The following POU2F1 variants were observed in gnomAD, a reference collection of about 807,000 sequenced individuals.
POU2F1 encodes the protein POU class 2 homeobox 1, also known as POU domain, class 2, transcription factor 1.
Under a neutral mutation model 84.9 loss-of-function variants are expected in POU2F1, and 16 were observed. That is an observed-to-expected ratio of 0.19 (90% CI 0.13 to 0.29). The LOEUF (loss-of-function observed/expected upper bound fraction) is 0.29. Ranked by LOEUF, POU2F1 falls within the 10% of genes least tolerant of loss-of-function variation. POU2F1 has a pLI of 1.00. For missense variants in POU2F1, 738 were observed against 942.6 expected (o/e 0.78, Z 2.84); for synonymous variants, 368 against 368.3 (o/e 1.00, Z 0.01).
At chr1:167,294,487 CAA>C (rs1307871748) in intron 1 of POU2F1, among the ~76,000 whole-genome samples, 2 of 152,192 alleles carry the variant, frequency 1.3e-5, no homozygotes, top group Non-Finnish European at 2.9e-5. Flanking sequence ...AGACAACCCA[CAA>C]AGTGGGAGAA....
chr1:167,359,212 G>C (rs1471617976), intron 2 of POU2F1, among the ~76,000 whole-genome samples: 1 of 150,554 alleles, frequency 6.6e-6, no homozygotes, highest in Non-Finnish European at 1.5e-5. Flanking sequence ...AACTATTTTT[G>C]TTTTAGATGT....
At chr1:167,376,240 C>T in intron 7 of POU2F1, 85 bp downstream of exon 7, 1 of 1,396,898 alleles carries the variant, frequency 7.2e-7, no homozygotes, top group Non-Finnish European at 9.6e-7. Context: ...TCATTTTGGC[C>T]CTGAAACTAT....
rs1650660027 is a variant in POU2F1, at chr1:167,421,725, G to A, written c.*5915G>A. 6.6e-6 allele frequency: 1 copy of A among 152,106 alleles called. No homozygotes were observed. Among genetic ancestry groups the A allele is most frequent in the African/African-American group, 2.4e-5 (1 of 41,412 alleles). The allele number at this position is 152,106 out of a possible 1,614,324, so 9.4% of individuals were successfully genotyped here. A position where few individuals can be genotyped will look rare whatever the true frequency, so the allele number is the denominator to read the frequency against. ...TCATAAAATACCTCAGAATAGCTTA[G>A]CATTGTTGCAAAACTGGTTTTAAAC... On this transcript the variant is annotated 3_prime_UTR_variant, in exon 16 of 16. Transcript: ENST00000367866.
chr1:167,304,721 G>A (rs1165808389), intron 1 of POU2F1, among the ~76,000 whole-genome samples: 3 of 152,108 alleles, frequency 2.0e-5, no homozygotes, highest in Admixed American at 6.5e-5. Flanking sequence ...TGAAATATTT[G>A]TATATCGTAA....
intron 1 of POU2F1, among the ~76,000 whole-genome samples, chr1:167,299,720 C>CA (rs1654537271): frequency 7.6e-6 from 1 of 132,236 alleles, no homozygotes; most frequent in South Asian, 2.2e-4. Context: ...TTTTATTTTG[C>CA]TGCTGTTCCT....
At chr1:167,383,086 C>T (rs919600263) in intron 7 of POU2F1, among the ~76,000 whole-genome samples, 4 of 152,142 alleles carry the variant, frequency 2.6e-5, no homozygotes, top group African/African-American at 7.2e-5. Context: ...ATACTTTCTA[C>T]CATTGCTCTT....
chr1:167,267,728 G>T (rs1411847998), intron 1 of POU2F1, among the ~76,000 whole-genome samples: 1 of 128,212 alleles, frequency 7.8e-6, no homozygotes, highest in East Asian at 2.7e-4. Flanking sequence ...TGCAAGCTCC[G>T]CCTCCCAGGT....
At position 167,425,901 on chromosome 1, in the gene POU2F1, C is replaced by T. The variant is rs1557984684; in HGVS notation, c.*10091C>T. Reference sequence around the variant, plus strand: ...TCCTTTTTGCAGCACCACTGTGCAACTATGCATTGTACTTCACAACCTTTT... The same window carrying T: ...TCCTTTTTGCAGCACCACTGTGCAATTATGCATTGTACTTCACAACCTTTT... On this transcript the variant is annotated 3_prime_UTR_variant, in exon 16 of 16. Coordinates refer to ENST00000367866, the MANE Select transcript of POU2F1 (RefSeq NM_002697.4). 1 of 151,718 alleles carries T rather than the reference C, an allele frequency of 6.6e-6. No individual in the cohort carries two copies. The highest frequency in any genetic ancestry group is 2.4e-5 in the African/African-American group (1 of 41,244). The allele number at this position is 151,718 out of a possible 1,614,324, so 9.4% of individuals were successfully genotyped here.
chr1:167,287,682 G>C (rs1032628608), intron 1 of POU2F1, among the ~76,000 whole-genome samples: 1 of 152,162 alleles, frequency 6.6e-6, no homozygotes, highest in Non-Finnish European at 1.5e-5. Context: ...GGTTCAAAAT[G>C]AATCTAATTG....
At chr1:167,266,969 C>T (rs1402027972) in intron 1 of POU2F1, among the ~76,000 whole-genome samples, 1 of 152,066 alleles carries the variant, frequency 6.6e-6, no homozygotes, top group Non-Finnish European at 1.5e-5. Flanking sequence ...TGTTTACAGA[C>T]ATTTTTACAC....
intron 1 of POU2F1, among the ~76,000 whole-genome samples, chr1:167,253,152 A>G (rs908942957): frequency 3.3e-5 from 5 of 152,210 alleles, no homozygotes; most frequent in African/African-American, 1.2e-4. Context: ...TTATCAAGGG[A>G]CAGTTTCACT....
chr1:167,305,585 T>C (rs1028047247), intron 1 of POU2F1, among the ~76,000 whole-genome samples: 12 of 152,170 alleles, frequency 7.9e-5, no homozygotes, highest in Non-Finnish European at 1.8e-4. Flanking sequence ...TTATAGCGAA[T>C]AATTTTTAGT....
intron 13 of POU2F1, among the ~76,000 whole-genome samples, chr1:167,402,035 C>T (rs896758332): frequency 3.9e-5 from 6 of 152,202 alleles, no homozygotes; most frequent in African/African-American, 1.4e-4. Flanking sequence ...ACCTGTCTTT[C>T]CCAATAGACT....
At chr1:167,381,862 G>T (rs189007143) in intron 7 of POU2F1, among the ~76,000 whole-genome samples, 1 of 151,664 alleles carries the variant, frequency 6.6e-6, no homozygotes, top group Non-Finnish European at 1.5e-5. Flanking sequence ...TGCCTGCCTC[G>T]GCCTCCCAAA....
chr1:167,359,838 A>G (rs1186333083), intron 2 of POU2F1, among the ~76,000 whole-genome samples: 2 of 132,374 alleles, frequency 1.5e-5, no homozygotes, highest in Admixed American at 8.2e-5. Flanking sequence ...CTTTGTCAAC[A>G]TTTGTGGGTT....
intron 1 of POU2F1, among the ~76,000 whole-genome samples, chr1:167,303,890 T>C (rs1375976806): frequency 2.6e-5 from 4 of 152,146 alleles, no homozygotes; most frequent in Non-Finnish European, 4.4e-5. Flanking sequence ...ATCATCTTTA[T>C]TCTGTGATGA....
intron 2 of POU2F1, among the ~76,000 whole-genome samples, chr1:167,361,304 A>G (rs977067295): frequency 3.9e-5 from 6 of 152,144 alleles, no homozygotes; most frequent in African/African-American, 1.4e-4. Flanking sequence ...GATATTGGCT[A>G]TGAGTTTATC....
At chr1:167,364,018 G>C (rs569252134) in intron 2 of POU2F1, among the ~76,000 whole-genome samples, 63 of 152,292 alleles carry the variant, frequency 4.1e-4, no homozygotes, top group South Asian at 2.9e-3. Flanking sequence ...TGAGTGGTAG[G>C]AAATGGAAGT....
At chr1:167,338,600 A>AG (rs1657634646) in intron 2 of POU2F1, among the ~76,000 whole-genome samples, 1 of 152,230 alleles carries the variant, frequency 6.6e-6, no homozygotes, top group Non-Finnish European at 1.5e-5. Flanking sequence ...AAGAGATAGA[A>AG]GGGAGTGGTA....
Sources: allele counts gnomAD v4.1 joint callset (sites outside exome capture counted in the v4.1 genomes callset), GRCh38; gene constraint gnomAD v4.1.1; transcripts MANE v1.5; gene names NCBI Gene and HGNC (gene_info 2026-07-23, HGNC 2026-07-21).